The following FRMPD3 variants were observed in gnomAD, a reference collection of about 807,000 sequenced individuals.
FRMPD3 encodes the protein FERM and PDZ domain-containing protein 3.
A neutral mutation model predicts 97.9 loss-of-function variants in FRMPD3; 42 were observed. The ratio of observed to expected loss-of-function variants is 0.43; its 90% CI spans 0.34 to 0.55. The LOEUF (loss-of-function observed/expected upper bound fraction) is 0.55, where lower values mean the gene tolerates loss of function less well. FRMPD3 is among the 20% of genes least tolerant of loss of function. The pLI is 0.03. For synonymous variants in FRMPD3, 577 were observed against 581.1 expected (o/e 0.99, Z 0.10); for missense variants, 1,303 against 1,457.7 (o/e 0.89, Z 1.73).
At chrX:107,568,845 G>A (rs977667965) in intron 12 of FRMPD3, among the ~76,000 whole-genome samples, 1 of 110,673 alleles carries the variant, frequency 9.0e-6, no homozygotes, top group Admixed American at 9.6e-5. Context: ...GATAACTTGA[G>A]CCCAGGAGTT....
intron 5 of FRMPD3, among the ~76,000 whole-genome samples, chrX:107,549,299 G>A (rs952653713): frequency 1.8e-5 from 2 of 109,279 alleles, no homozygotes; most frequent in Admixed American, 9.8e-5. Flanking sequence ...CTCCCACCTG[G>A]GCGACAGAGC....
At chrX:107,522,933 T>A (rs1461824674) in intron 1 of FRMPD3, among the ~76,000 whole-genome samples, 1 of 88,878 alleles carries the variant, frequency 1.1e-5, no homozygotes, top group African/African-American at 4.3e-5. Flanking sequence ...TGGCGGGGGG[T>A]GGGGGATAAG....
intron 1 of FRMPD3, among the ~76,000 whole-genome samples, chrX:107,450,468 C>T (rs1422979926): frequency 9.1e-6 from 1 of 109,311 alleles, no homozygotes; most frequent in East Asian, 2.9e-4. Flanking sequence ...TTCCCGGGGC[C>T]ATGTTCACAA....
chrX:107,540,967 C>G (rs1921266950), intron 4 of FRMPD3, among the ~76,000 whole-genome samples: 1 of 112,691 alleles, frequency 8.9e-6, no homozygotes, highest in Admixed American at 9.4e-5. Flanking sequence ...AACTGTTTCT[C>G]TGAAGGGCCA....
At chrX:107,557,567 T>G (rs1304456029) in intron 8 of FRMPD3, among the ~76,000 whole-genome samples, 1 of 107,400 alleles carries the variant, frequency 9.3e-6, no homozygotes, top group Non-Finnish European at 1.9e-5. Context: ...TTTCCCCTAT[T>G]TTTTTCTAGA....
At chrX:107,559,800 T>C (rs1269023908) in intron 8 of FRMPD3, among the ~76,000 whole-genome samples, 1 of 111,132 alleles carries the variant, frequency 9.0e-6, no homozygotes, top group African/African-American at 3.3e-5. Flanking sequence ...AATTCAGCTC[T>C]CACCCTGGGC....
intron 13 of FRMPD3, among the ~76,000 whole-genome samples, chrX:107,578,783 T>G (rs1440418197): frequency 9.0e-6 from 1 of 111,148 alleles, no homozygotes; most frequent in Non-Finnish European, 1.9e-5. Flanking sequence ...TTACTTAGCT[T>G]TTTGAACTGT....
chrX:107,463,018 T>C (rs1931502855), intron 1 of FRMPD3, among the ~76,000 whole-genome samples: 2 of 111,715 alleles, frequency 1.8e-5, no homozygotes, highest in South Asian at 7.5e-4. Context: ...GTCCCTATTT[T>C]TCTCCACCAC....
chrX:107,547,008 A>G (rs1010507574), intron 5 of FRMPD3, among the ~76,000 whole-genome samples: 19 of 111,794 alleles, frequency 1.7e-4, no homozygotes, highest in African/African-American at 6.2e-4. Context: ...AGGCTGGCAA[A>G]CCCAGGGGAC....
At chrX:107,467,768 T>G (rs1925521910) in intron 1 of FRMPD3, among the ~76,000 whole-genome samples, 1 of 111,141 alleles carries the variant, frequency 9.0e-6, no homozygotes, top group African/African-American at 3.3e-5. Flanking sequence ...TATTCCACAT[T>G]CCTACTCAGA....
chrX:107,534,050 G>A (rs1317226478), intron 4 of FRMPD3, among the ~76,000 whole-genome samples: 3 of 112,076 alleles, frequency 2.7e-5, no homozygotes, highest in African/African-American at 9.7e-5. Context: ...AACTGGCTGT[G>A]TGACCTTGAA....
rs764469144 is a variant in FRMPD3, at chrX:107,602,492, G to C, written c.4453G>C (p.Asp1485His). Residue 1485 changes from aspartate (D) to histidine (H), a missense_variant, in exon 15 of 15, where the codon GAC becomes CAC. By Grantham distance (81) the Asp-to-His change is moderately conservative (BLOSUM62 -1). Around this residue, in one of 3 missense-constraint regions of FRMPD3, gnomAD observed 764 missense variants for 820.2 expected, o/e 0.93. Transcript: ENST00000683843. ...CCGGAAGCCTGCCGAGCTAGACGAGGACAGTGAGAGCAGCAAGTGCTGCTC... is the reference window on the plus strand; with the variant it reads ...CCGGAAGCCTGCCGAGCTAGACGAGCACAGTGAGAGCAGCAAGTGCTGCTC... The part of the protein sequence containing the change: ...VYRKPAELDE[D>H]SESSKCCSIR... 3.3e-6 allele frequency: 4 copies of C among 1,211,565 alleles called. No individual in the cohort carries two copies. Among genetic ancestry groups the C allele is most frequent in the South Asian group, 1.8e-5 (1 of 57,053 alleles).
At chrX:107,485,169 C>G (rs1450124450) in intron 1 of FRMPD3, among the ~76,000 whole-genome samples, 1 of 112,695 alleles carries the variant, frequency 8.9e-6, no homozygotes, top group Non-Finnish European at 1.9e-5. Context: ...AACCAAGTAA[C>G]TTGGTAAGGG....
intron 1 of FRMPD3, among the ~76,000 whole-genome samples, chrX:107,494,620 C>G (rs937267417): frequency 9.9e-5 from 11 of 111,144 alleles, no homozygotes; most frequent in Non-Finnish European, 2.1e-4. Context: ...GCTATAATTT[C>G]TTGAGCAGTT....
rs1348086923 is a variant in FRMPD3 at position 107,552,813 on chromosome X, C to A, written c.529C>A (p.Gln177Lys). ...TTVKDVMLTLQDRLSLRFIEH... is the reference protein window; with the variant it reads ...TTVKDVMLTLKDRLSLRFIEH... ...CCCACAGGATGTGATGTTGACATTA[C>A]AGGACCGCCTTTCCCTGAGGTTCAT... is the stretch of plus-strand genomic sequence containing the variant. The change falls in exon 7 of 15, where the codon CAG becomes AAG. Residue 177 changes from glutamine (Q) to lysine (K), a missense_variant. Physicochemically the swap from Gln to Lys is moderately conservative, Grantham distance 53. Around this residue, in one of 3 missense-constraint regions of FRMPD3, gnomAD observed 535 missense variants for 618.6 expected, o/e 0.86. Coordinates refer to ENST00000683843, the MANE Select transcript of FRMPD3 (RefSeq NM_001388459.1). The A allele has an allele frequency of 8.3e-7, 1 of 1,210,087 alleles. No individual in the cohort carries two copies. Among genetic ancestry groups the A allele is most frequent in the South Asian group, 1.8e-5 (1 of 56,797 alleles).
At chrX:107,563,278 GC>G in intron 11 of FRMPD3, 78 bp downstream of exon 11, 1 of 814,221 alleles carries the variant, frequency 1.2e-6, no homozygotes, top group South Asian at 2.4e-5. Flanking sequence ...GGCAGGAGGG[GC>G]AAATATTTCT....
At chrX:107,522,572 G>A in intron 1 of FRMPD3, 1 of 455,098 alleles carries the variant, frequency 2.2e-6, no homozygotes, top group Non-Finnish European at 3.8e-6. Context: ...CTTAGCCACT[G>A]TGGGTCTGTG....
At chrX:107,526,509 C>A in intron 1 of FRMPD3, 73 bp from the exon 2 acceptor site, 1 of 989,507 alleles carries the variant, frequency 1.0e-6, no homozygotes, top group Non-Finnish European at 1.4e-6. Context: ...CCCTAACTGG[C>A]ATCTCTCCCT....
At chrX:107,553,408 A>G (rs1349106405) in intron 7 of FRMPD3, among the ~76,000 whole-genome samples, 1 of 107,687 alleles carries the variant, frequency 9.3e-6, no homozygotes, top group Non-Finnish European at 1.9e-5. Context: ...ACCCACATCA[A>G]TTTACAAGGT....
Sources: gnomAD v4.1 joint callset for allele counts (sites outside exome capture counted in the v4.1 genomes callset) on GRCh38, gnomAD v4.1.1 for gene constraint, gnomAD v4.1.1 regional missense constraint, MANE v1.5 for transcripts, NCBI Gene and HGNC (gene_info 2026-07-23, HGNC 2026-07-21) for gene names.